PITPNM2: variants seen among roughly 807,000 people sequenced by gnomAD.
PITPNM2 encodes the protein phosphatidylinositol transfer protein membrane associated 2.
In PITPNM2, 35 loss-of-function variants were observed where a neutral mutation model predicts 132.2. That is an observed-to-expected ratio of 0.26 (90% CI 0.20 to 0.35). PITPNM2 has a LOEUF of 0.35. Among genes scored for constraint, PITPNM2 ranks in the 10% least tolerant of loss-of-function variants. PITPNM2 has a pLI of 1.00. For missense variants in PITPNM2, 1,332 were observed against 1,912.0 expected, an observed-to-expected ratio of 0.70 and a Z score of 5.66; for synonymous variants, 738 against 799.2, an observed-to-expected ratio of 0.92 and a Z score of 1.29.
chr12:123,041,469 C>A (rs975448117), intron 2 of PITPNM2, among the ~76,000 whole-genome samples: 1 of 152,152 alleles, frequency 6.6e-6, no homozygotes, highest in Non-Finnish European at 1.5e-5. Flanking sequence ...CTCACTTTCT[C>A]CCTGGTTGAG....
Position 123,100,671 on chromosome 12 carries a change from G to A in PITPNM2, c.-96+9714C>T, listed in dbSNP as rs534967242. 2.0e-4 allele frequency among the ~76,000 whole-genome samples: 31 copies of A among 151,950 alleles called. No individual in the cohort carries two copies. The South Asian group carries it at 4.0e-3, about 19-fold the overall frequency. On this transcript the variant is annotated intron_variant, in intron 2 of 25. Transcript: ENST00000320201. ...GCAGCACTGACATATGGTACAGCAC[G>A]GATGAACCATGAAAACATGATGCTG...
chr12:123,080,338 C>T (rs1327472398), intron 2 of PITPNM2, among the ~76,000 whole-genome samples: 1 of 152,194 alleles, frequency 6.6e-6, no homozygotes, highest in Non-Finnish European at 1.5e-5. Context: ...CCCACCTCAG[C>T]CTCCTGAGTA....
chr12:123,144,359 T>G (rs1352726595), intron 1 of PITPNM2, among the ~76,000 whole-genome samples: 2 of 152,228 alleles, frequency 1.3e-5, no homozygotes, highest in African/African-American at 4.8e-5. Context: ...GAAGCTTCAT[T>G]CAGACATGAG....
At chr12:123,061,693 AGGGGGAAGCCT>A (rs1052489815) in intron 2 of PITPNM2, among the ~76,000 whole-genome samples, 7 of 152,216 alleles carry the variant, frequency 4.6e-5, no homozygotes, top group African/African-American at 1.7e-4. Flanking sequence ...AGTCAGAAAA[AGGGGGAAGCCT>A]GGGGCTTTCA....
At chr12:123,033,101 C>T (rs2040150825) in intron 3 of PITPNM2, among the ~76,000 whole-genome samples, 2 of 152,196 alleles carry the variant, frequency 1.3e-5, no homozygotes, top group Non-Finnish European at 2.9e-5. Flanking sequence ...AGCCTTTCCC[C>T]CACACCAACG....
At chr12:123,110,676 A>T (rs943497866) in intron 1 of PITPNM2, among the ~76,000 whole-genome samples, 188 bp from the exon 2 acceptor site, 3 of 152,230 alleles carry the variant, frequency 2.0e-5, no homozygotes, top group Non-Finnish European at 4.4e-5. Flanking sequence ...TGTCTAACTC[A>T]GAATTGGTGA....
intron 2 of PITPNM2, among the ~76,000 whole-genome samples, chr12:123,035,414 C>G (rs1400948035): frequency 6.6e-6 from 1 of 152,046 alleles, no homozygotes; most frequent in East Asian, 1.9e-4. Flanking sequence ...ACTTGTAATC[C>G]CAGCACTTTG....
At position 122,997,360 on chromosome 12, in the gene PITPNM2, C is replaced by T. The variant is rs369888747; in HGVS notation, c.1437G>A (p.Pro479=). Residue 479 remains proline, a synonymous_variant, in exon 11 of 26, where the codon CCG becomes CCA. Coordinates refer to ENST00000320201, the MANE Select transcript of PITPNM2 (RefSeq NM_020845.3). ...GGGCAAAGGCGTCAGAGCAGACGGG[C>T]GGGCAGGGCACCAGGCGGATGGCAA... ...GRLAIRLVPC[P]PVCSDAFALV... The T allele has an allele frequency of 6.3e-5, 102 of 1,613,148 alleles. No homozygotes were observed. The highest frequency in any genetic ancestry group is 3.3e-4 in the Middle Eastern group (2 of 6,034).
intron 2 of PITPNM2, among the ~76,000 whole-genome samples, chr12:123,100,397 G>A (rs1458751781): frequency 3.9e-5 from 6 of 152,290 alleles, no homozygotes; most frequent in Admixed American, 6.5e-5. Context: ...AGGCCAAGGC[G>A]GGTGGATCAC....
At chr12:123,101,362 T>G (rs985326862) in intron 2 of PITPNM2, among the ~76,000 whole-genome samples, 19 of 152,206 alleles carry the variant, frequency 1.2e-4, no homozygotes, top group African/African-American at 4.6e-4. Flanking sequence ...TTGCCCTGCT[T>G]CTTGTTTCTA....
intron 3 of PITPNM2, among the ~76,000 whole-genome samples, chr12:123,033,048 C>G (rs1208437957): frequency 6.6e-6 from 1 of 152,206 alleles, no homozygotes; most frequent in South Asian, 2.1e-4. Context: ...AAGGTGGGAG[C>G]CCAATAGGCG....
At position 123,107,636 on chromosome 12, in the gene PITPNM2, C is replaced by T. The variant is rs2042749887; in HGVS notation, c.-96+2749G>A. 2.0e-5 allele frequency among the ~76,000 whole-genome samples: 3 copies of T among 152,294 alleles called. No homozygotes were observed. In the East Asian group the frequency reaches 5.8e-4, roughly 29 times the overall value. On this transcript the variant is annotated intron_variant, in intron 2 of 25. Transcript: ENST00000320201. The stretch of plus-strand genomic sequence containing the variant: ...CCCAGGGAGTGTGGCCTCCCTCCAC[C>T]CCATGACTCTCGCTACCAGGGCCCG...
intron 3 of PITPNM2, among the ~76,000 whole-genome samples, chr12:123,030,467 G>T (rs1420061011): frequency 6.6e-6 from 1 of 152,164 alleles, no homozygotes; most frequent in Non-Finnish European, 1.5e-5. Context: ...GCTGAGGCGG[G>T]CGGATCACGA....
rs1466468541 is a variant in PITPNM2 at position 123,116,175 on chromosome 12, A to G, written c.-199-5687T>C. ...AACACTGTGCCAGGTTTGTATCTCT[A>G]AGCTTAGGGAGGCCTGGCTAAGAAT... is the stretch of plus-strand genomic sequence containing the variant. On this transcript the variant is annotated intron_variant, in intron 1 of 25. Transcript: ENST00000320201. 1.3e-5 allele frequency among the ~76,000 whole-genome samples: 2 copies of G among 152,152 alleles called. 1 individual carries two copies. The highest frequency in any genetic ancestry group is 4.8e-5 in the African/African-American group (2 of 41,430).
At chr12:123,069,034 C>T (rs780315204) in intron 2 of PITPNM2, among the ~76,000 whole-genome samples, 8 of 152,108 alleles carry the variant, frequency 5.3e-5, no homozygotes, top group Non-Finnish European at 7.4e-5. Context: ...GGGAGGATTG[C>T]TTGAGACCAG....
intron 2 of PITPNM2, among the ~76,000 whole-genome samples, chr12:123,053,814 C>T (rs1223677578): frequency 2.0e-5 from 3 of 151,818 alleles, no homozygotes; most frequent in East Asian, 1.9e-4. Flanking sequence ...GTGATCTGCC[C>T]GCCTCAGCCT....
Position 123,020,020 on chromosome 12 carries a change from C to T in PITPNM2, c.79-5978G>A, listed in dbSNP as rs148959280. On this transcript the variant is annotated intron_variant, in intron 3 of 25. Transcript: ENST00000320201. ...CCTGGAAGCGTGTGGACTCAGTTGC[C>T]TGGGTGTAGCCTGCGAGGCAGGAAG... Among the ~76,000 whole-genome samples, 887 of 152,284 alleles carry T rather than the reference C, an allele frequency of 5.8e-3. 7 individuals are homozygous for T. The highest frequency in any genetic ancestry group is 9.5e-3 in the Non-Finnish European group (648 of 68,012).
In PITPNM2 at chr12:122,987,301, G is replaced by A. The variant is rs369854169; in HGVS notation, c.3393C>T (p.Ala1131=). The A allele has an allele frequency of 3.7e-6, 6 of 1,611,744 alleles. No individual in the cohort carries two copies. The highest frequency in any genetic ancestry group is 5.1e-6 in the Non-Finnish European group (6 of 1,179,996). The change falls in exon 23 of 26, where the codon GCC becomes GCT. Residue 1131 remains alanine (A), a synonymous_variant. Coordinates refer to ENST00000320201, the MANE Select transcript of PITPNM2 (RefSeq NM_020845.3). ...SIMGSDPKVR[A]GAVDVVRHWQ... ...CTCACCGCACCACGTCCACGGCCCC[G>A]GCCCGCACCTTGGGGTCGCTGCCCA...
chr12:123,052,644 T>G (rs886608583), intron 2 of PITPNM2, among the ~76,000 whole-genome samples: 1 of 152,120 alleles, frequency 6.6e-6, no homozygotes, highest in Admixed American at 6.6e-5. Context: ...TAAAATAAAA[T>G]TTTAAAACAG....
Sources: allele counts gnomAD v4.1 joint callset (sites outside exome capture counted in the v4.1 genomes callset), GRCh38; gene constraint gnomAD v4.1.1; transcripts MANE v1.5; gene names NCBI Gene and HGNC (gene_info 2026-07-23, HGNC 2026-07-21).